The following CUBN variants were observed in gnomAD, a reference collection of about 807,000 sequenced individuals.
The protein encoded by CUBN is 460 kDa receptor.
CUBN carries 282 observed loss-of-function variants against 405.3 expected under a neutral mutation model. The observed-to-expected ratio is 0.70, with a 90% CI of 0.63 to 0.77. The LOEUF is 0.77. CUBN is among the 30% of genes least tolerant of loss of function. The pLI is 0.00. For missense variants in CUBN, 4,514 were observed against 4,475.2 expected (o/e 1.01, Z -0.25); for synonymous variants, 1,684 against 1,617.0 (o/e 1.04, Z -0.99).
chr10:16,834,811 T>C (rs1468189170), intron 64 of CUBN, among the ~76,000 whole-genome samples: 1 of 151,984 alleles, frequency 6.6e-6, no homozygotes, highest in African/African-American at 2.4e-5. Flanking sequence ...AGACTAGGAG[T>C]CTCCTGCGGG....
At chr10:16,833,616 G>A (rs534548830) in intron 64 of CUBN, among the ~76,000 whole-genome samples, 1 of 152,268 alleles carries the variant, frequency 6.6e-6, no homozygotes, top group Non-Finnish European at 1.5e-5. Flanking sequence ...CAAATCGGAT[G>A]AGGGGGGTTG....
chr10:17,067,964 C>T (rs1231590688), intron 21 of CUBN, 100 bp downstream of exon 21: 2 of 907,324 alleles, frequency 2.2e-6, no homozygotes, highest in Non-Finnish European at 3.5e-6. Context: ...AGGATCTCAC[C>T]TGGTTTTCAT....
chr10:17,073,782 C>T (rs1835791680), intron 17 of CUBN, among the ~76,000 whole-genome samples: 1 of 152,182 alleles, frequency 6.6e-6, no homozygotes. Flanking sequence ...GCCATGAATA[C>T]AGTCTATGGA....
At chr10:17,094,087 A>T (rs1836321996) in intron 14 of CUBN, among the ~76,000 whole-genome samples, 1 of 152,124 alleles carries the variant, frequency 6.6e-6, no homozygotes, top group South Asian at 2.1e-4. Flanking sequence ...CAAGCAGGAC[A>T]AACACAGAGA....
chr10:16,845,971 A>G (rs1265735454), intron 60 of CUBN, among the ~76,000 whole-genome samples: 3 of 152,262 alleles, frequency 2.0e-5, no homozygotes, highest in Non-Finnish European at 4.4e-5. Context: ...ACAGTTTTGC[A>G]AAGTGAAGAT....
At chr10:16,849,386 A>G (rs1253741448) in intron 60 of CUBN, among the ~76,000 whole-genome samples, 2 of 152,020 alleles carry the variant, frequency 1.3e-5, no homozygotes, top group African/African-American at 4.8e-5. Flanking sequence ...GACTCCCTCT[A>G]AGAAAGCATC....
At chr10:17,125,649 T>C (rs1837164374) in intron 4 of CUBN, among the ~76,000 whole-genome samples, 1 of 151,960 alleles carries the variant, frequency 6.6e-6, no homozygotes, top group Non-Finnish European at 1.5e-5. Flanking sequence ...AGGAAGACAA[T>C]AGGGAGTGGT....
rs199779818 is a variant in CUBN at position 16,975,624 on chromosome 10, C to CTTTTTTT, written c.4695+6853_4695+6859dup. On this transcript the variant is annotated intron_variant, in intron 31 of 66. Transcript: ENST00000377833. ...CATTCAAACTTCTCTTAAAGACCTTCTTTTTTTTTTTTTTTTTTTTTTTTT... is the reference window on the plus strand; with the variant it reads ...CATTCAAACTTCTCTTAAAGACCTTCTTTTTTTTTTTTTTTTTTTTTTTTTTTTTTTT... Among the ~76,000 whole-genome samples the CTTTTTTT allele has an allele frequency of 8.0e-5, 10 of 124,358 alleles. 1 individual carries two copies. Among genetic ancestry groups the CTTTTTTT allele is most frequent in the Non-Finnish European group, 1.3e-4 (8 of 61,586 alleles). 81.6% of individuals were successfully genotyped at this position (124,358 alleles called of 152,430 possible).
In CUBN at chr10:16,879,823, TAAC is replaced by T. The variant is rs568275750; in HGVS notation, c.8906-2729_8906-2727del. 4.3e-4 allele frequency among the ~76,000 whole-genome samples: 65 copies of T among 152,338 alleles called. 2 individuals are homozygous for T. The East Asian group carries it at 8.3e-3, about 19-fold the overall frequency. ...CCCACGATAGCCAATTTCAAGCTATTAACAACAAGTCATTAAATGCAGAATAGG... is the reference window on the plus strand; with the variant it reads ...CCCACGATAGCCAATTTCAAGCTATTAACAAGTCATTAAATGCAGAATAGG... On this transcript the variant is annotated intron_variant, in intron 56 of 66. Coordinates refer to ENST00000377833, the MANE Select transcript of CUBN (RefSeq NM_001081.4).
intron 51 of CUBN, among the ~76,000 whole-genome samples, chr10:16,902,041 A>ATT (rs1841402417): frequency 1.5e-5 from 2 of 136,558 alleles, no homozygotes; most frequent in Non-Finnish European, 3.1e-5. Flanking sequence ...ATATATATAT[A>ATT]TACACACACC....
chr10:17,040,204 G>GA (rs1482577120), intron 27 of CUBN, among the ~76,000 whole-genome samples: 11 of 151,610 alleles, frequency 7.3e-5, no homozygotes. Context: ...GGGCAGGTGG[G>GA]AAAAAAAATG....
In CUBN at chr10:16,903,881, T is replaced by G. The variant is rs1841478068; in HGVS notation, c.8062+85A>C. ...ACTAATAGCTATGTAGAAATAAATC[T>G]AACAAAATATATATGAAATCTTTAT... On this transcript the variant is annotated intron_variant, in intron 51 of 66. Transcript: ENST00000377833. 3 of 997,114 alleles carry G rather than the reference T, an allele frequency of 3.0e-6. No individual in the cohort carries two copies. The Admixed American group carries it at 8.2e-5, about 27-fold the overall frequency. The allele number at this position is 997,114 out of a possible 1,614,324, so 61.8% of individuals were successfully genotyped here.
At position 16,952,351 on chromosome 10, in the gene CUBN, C is replaced by G; in HGVS notation, c.4894G>C (p.Val1632Leu). ...GHILTSSFDT[V>L]SSPRFPANYP... ...TTGGCAGGGAACCGTGGAGAGGAAA[C>G]AGTATCAAATGAGCTGGTGAGGATG... Residue 1632 changes from valine (V) to leucine (L), a missense_variant, in exon 33 of 67, where the codon GTT becomes CTT. Transcript: ENST00000377833. The G allele has an allele frequency of 6.2e-7, 1 of 1,613,950 alleles. No individual in the cohort carries two copies. The highest frequency in any genetic ancestry group is 8.5e-7 in the Non-Finnish European group (1 of 1,179,884).
chr10:17,078,478 C>T (rs918873516), intron 17 of CUBN, among the ~76,000 whole-genome samples: 1 of 152,212 alleles, frequency 6.6e-6, no homozygotes, highest in Non-Finnish European at 1.5e-5. Flanking sequence ...CAAACTCAGA[C>T]TGCTCCACTG....
At chr10:16,857,474 T>A (rs949868609) in intron 59 of CUBN, among the ~76,000 whole-genome samples, 1 of 152,228 alleles carries the variant, frequency 6.6e-6, no homozygotes, top group African/African-American at 2.4e-5. Context: ...TATTTAGATA[T>A]CACTGAAAAT....
At chr10:16,950,247 A>G (rs1205712703) in intron 33 of CUBN, 136 bp from the exon 34 acceptor site, 2 of 676,638 alleles carry the variant, frequency 3.0e-6, no homozygotes, top group African/African-American at 3.6e-5. Flanking sequence ...GTTTGATAGC[A>G]CAACAGGGTA....
chr10:17,051,893 C>A (rs150768690), intron 22 of CUBN, among the ~76,000 whole-genome samples: 12 of 151,962 alleles, frequency 7.9e-5, no homozygotes, highest in Non-Finnish European at 1.2e-4. Context: ...AAGGAAATAG[C>A]GGCTAAAATT....
intron 31 of CUBN, among the ~76,000 whole-genome samples, chr10:16,973,190 CA>C: frequency 6.6e-6 from 1 of 152,284 alleles, no homozygotes. Flanking sequence ...TTTTTATTCC[CA>C]AATGTGCGTG....
At chr10:16,918,167 C>A (rs1048901963) in intron 45 of CUBN, among the ~76,000 whole-genome samples, 3 of 152,126 alleles carry the variant, frequency 2.0e-5, no homozygotes, top group Admixed American at 6.5e-5. Flanking sequence ...ATTTTTGTAC[C>A]AGTACCATGC....
Sources: allele counts gnomAD v4.1 joint callset (sites outside exome capture counted in the v4.1 genomes callset), GRCh38; gene constraint gnomAD v4.1.1; transcripts MANE v1.5; gene names NCBI Gene and HGNC (gene_info 2026-07-23, HGNC 2026-07-21).